The following KCNB2 variants were observed in gnomAD, a reference collection of about 807,000 sequenced individuals.
KCNB2 encodes delayed rectifier potassium channel protein.
KCNB2 carries 15 observed loss-of-function variants against 61.5 expected under a neutral mutation model. That is an observed-to-expected ratio of 0.24 (90% CI 0.16 to 0.38). The LOEUF is 0.38. KCNB2 is among the 10% of genes least tolerant of loss of function. KCNB2 has a pLI of 1.00. For synonymous variants in KCNB2, 457 were observed against 446.0 expected (o/e 1.02, Z -0.31); for missense variants, 828 against 1,125.2 (o/e 0.74, Z 3.78).
At chr8:72,835,384 G>A (rs1809764584) in intron 2 of KCNB2, among the ~76,000 whole-genome samples, 2 of 152,208 alleles carry the variant, frequency 1.3e-5, no homozygotes, top group South Asian at 4.1e-4. Context: ...AAGGTAACAA[G>A]CTAAGCATAA....
intron 2 of KCNB2, among the ~76,000 whole-genome samples, chr8:72,770,064 C>T (rs1339801154): frequency 6.6e-6 from 1 of 152,156 alleles, no homozygotes; most frequent in Non-Finnish European, 1.5e-5. Flanking sequence ...GAGAGTCAGT[C>T]CCCATATTAG....
intron 2 of KCNB2, among the ~76,000 whole-genome samples, chr8:72,729,897 A>C (rs1807712587): frequency 6.6e-6 from 1 of 152,120 alleles, no homozygotes; most frequent in Non-Finnish European, 1.5e-5. Context: ...AAAAAAAAAA[A>C]GATTACACAC....
intron 2 of KCNB2, among the ~76,000 whole-genome samples, chr8:72,687,588 A>G (rs932211994): frequency 2.0e-5 from 3 of 152,200 alleles, no homozygotes; most frequent in Non-Finnish European, 4.4e-5. Context: ...AAAATAAGCC[A>G]TAGTCTAAGT....
At chr8:72,745,748 C>T (rs1808051766) in intron 2 of KCNB2, among the ~76,000 whole-genome samples, 1 of 152,102 alleles carries the variant, frequency 6.6e-6, no homozygotes, top group African/African-American at 2.4e-5. Flanking sequence ...CCCTGCTGCC[C>T]TCCCCAGAGA....
intron 2 of KCNB2, among the ~76,000 whole-genome samples, chr8:72,783,699 G>A (rs184306211): frequency 2.7e-4 from 41 of 152,298 alleles, no homozygotes; most frequent in African/African-American, 8.9e-4. Flanking sequence ...TCCACTAAAT[G>A]TAACCTCCAT....
chr8:72,700,214 AG>A (rs1199564245), intron 2 of KCNB2, among the ~76,000 whole-genome samples: 2 of 152,094 alleles, frequency 1.3e-5, no homozygotes, highest in Non-Finnish European at 2.9e-5. Context: ...GGGCAAGGGG[AG>A]GGAGACCATT....
At chr8:72,822,874 T>C in intron 2 of KCNB2, among the ~76,000 whole-genome samples, 1 of 152,126 alleles carries the variant, frequency 6.6e-6, no homozygotes, top group Non-Finnish European at 1.5e-5. Context: ...CCTCATTTCC[T>C]TGACCTCCTA....
chr8:72,763,920 G>A (rs1335946192), intron 2 of KCNB2, among the ~76,000 whole-genome samples: 4 of 152,148 alleles, frequency 2.6e-5, no homozygotes, highest in Non-Finnish European at 5.9e-5. Flanking sequence ...GAAGGTGGAG[G>A]AGAAGCAGCA....
intron 2 of KCNB2, among the ~76,000 whole-genome samples, chr8:72,572,787 C>T (rs1024734292): frequency 6.6e-6 from 1 of 152,132 alleles, no homozygotes; most frequent in African/African-American, 2.4e-5. Context: ...GATGGTACTA[C>T]GTAAGTTTTT....
chr8:72,812,567 T>C (rs959228903), intron 2 of KCNB2, among the ~76,000 whole-genome samples: 1 of 152,124 alleles, frequency 6.6e-6, no homozygotes, highest in Non-Finnish European at 1.5e-5. Flanking sequence ...TATTTATCAA[T>C]TCTTACTTTA....
At chr8:72,834,759 G>A (rs1164367179) in intron 2 of KCNB2, among the ~76,000 whole-genome samples, 1 of 152,110 alleles carries the variant, frequency 6.6e-6, no homozygotes, top group African/African-American at 2.4e-5. Flanking sequence ...GTGATATTCT[G>A]CTTGTCCCAG....
chr8:72,742,667 G>A (rs777871250), intron 2 of KCNB2, among the ~76,000 whole-genome samples: 4 of 152,094 alleles, frequency 2.6e-5, no homozygotes, highest in Admixed American at 1.3e-4. Flanking sequence ...TCAGAAGAAC[G>A]TTTCCTGTCC....
intron 2 of KCNB2, among the ~76,000 whole-genome samples, chr8:72,743,419 A>C (rs1428703467): frequency 6.6e-6 from 1 of 152,192 alleles, no homozygotes. Context: ...TGTGTTGCAA[A>C]AGACTGCGTG....
chr8:72,707,348 G>T (rs552802841), intron 2 of KCNB2, among the ~76,000 whole-genome samples: 1 of 152,130 alleles, frequency 6.6e-6, no homozygotes, highest in Non-Finnish European at 1.5e-5. Flanking sequence ...ATAGTTGGTG[G>T]ATGCCTTTAT....
intron 2 of KCNB2, among the ~76,000 whole-genome samples, chr8:72,912,364 CA>C (rs970979108): frequency 1.3e-5 from 2 of 151,916 alleles, no homozygotes; most frequent in Non-Finnish European, 2.9e-5. Context: ...GAAAAGGCCA[CA>C]AGATTTACAT....
At chr8:72,564,624 C>T (rs1806593583) in intron 1 of KCNB2, among the ~76,000 whole-genome samples, 1 of 152,082 alleles carries the variant, frequency 6.6e-6, no homozygotes, top group Non-Finnish European at 1.5e-5. Flanking sequence ...GATAGTGTTG[C>T]TCAATTTTTA....
At chr8:72,853,055 A>C (rs578022744) in intron 2 of KCNB2, among the ~76,000 whole-genome samples, 2 of 152,322 alleles carry the variant, frequency 1.3e-5, no homozygotes, top group South Asian at 4.1e-4. Flanking sequence ...CTAGATTTGC[A>C]ATCAGTAGGT....
At chr8:72,694,199 C>T (rs530352779) in intron 2 of KCNB2, among the ~76,000 whole-genome samples, 1 of 152,238 alleles carries the variant, frequency 6.6e-6, no homozygotes, top group Non-Finnish European at 1.5e-5. Flanking sequence ...TTAAAATATC[C>T]TCTTGCAGAC....
At chr8:72,671,149 C>A (rs1035553983) in intron 2 of KCNB2, among the ~76,000 whole-genome samples, 17 of 152,262 alleles carry the variant, frequency 1.1e-4, no homozygotes, top group African/African-American at 4.1e-4. Context: ...TTTTATCTAG[C>A]CTGTTGCCTT....
Sources: allele counts gnomAD v4.1 joint callset (sites outside exome capture counted in the v4.1 genomes callset), GRCh38; gene constraint gnomAD v4.1.1; transcripts MANE v1.5; gene names NCBI Gene and HGNC (gene_info 2026-07-23, HGNC 2026-07-21).